Variants in FGF14 observed in about 807,000 individuals in gnomAD.
FGF14 encodes the protein fibroblast growth factor homologous factor 4.
Under a neutral mutation model 25.5 loss-of-function variants are expected in FGF14, and 5 were observed. The ratio of observed to expected loss-of-function variants is 0.20; its 90% confidence interval spans 0.10 to 0.41. The LOEUF is 0.41. Among genes scored for constraint, FGF14 ranks in the 10% least tolerant of loss-of-function variants. The probability of loss-of-function intolerance (pLI) is 1.00; values close to 1 mark genes in which losing one functional copy is unlikely to be tolerated. For synonymous variants in FGF14, 138 were observed against 118.3 expected (o/e 1.17, Z -1.08); for missense variants, 222 against 320.1 (o/e 0.69, Z 2.34).
At chr13:102,113,507 A>G (rs1462630481) in intron 1 of FGF14, among the ~76,000 whole-genome samples, 1 of 152,236 alleles carries the variant, frequency 6.6e-6, no homozygotes, top group Non-Finnish European at 1.5e-5. Flanking sequence ...TATCTTAATT[A>G]TAACATAATT....
chr13:102,389,950 C>T (rs181118057), intron 1 of FGF14, among the ~76,000 whole-genome samples: 13 of 152,276 alleles, frequency 8.5e-5, no homozygotes, highest in Admixed American at 6.5e-4. Flanking sequence ...AACTGTGAGA[C>T]CCTTGGTAGT....
chr13:101,945,176 G>A (rs551659554), intron 1 of FGF14, among the ~76,000 whole-genome samples: 93 of 152,124 alleles, frequency 6.1e-4, no homozygotes, highest in African/African-American at 2.1e-3. Flanking sequence ...AAATTATCTG[G>A]GTGTGGTGGC....
At chr13:102,250,191 C>G (rs761074043) in intron 1 of FGF14, among the ~76,000 whole-genome samples, 7 of 152,094 alleles carry the variant, frequency 4.6e-5, no homozygotes, top group Non-Finnish European at 8.8e-5. Flanking sequence ...TTCTGCCTAG[C>G]CTCTTACCTA....
chr13:101,958,634 A>G (rs1247907425), intron 1 of FGF14, among the ~76,000 whole-genome samples: 1 of 152,206 alleles, frequency 6.6e-6, no homozygotes, highest in Non-Finnish European at 1.5e-5. Context: ...ATAGAATACT[A>G]CTATAAGTCT....
intron 1 of FGF14, among the ~76,000 whole-genome samples, chr13:101,941,247 C>G (rs2035430160): frequency 6.6e-6 from 1 of 152,168 alleles, no homozygotes; most frequent in African/African-American, 2.4e-5. Flanking sequence ...ATATGCACAG[C>G]CTTCATGTGT....
At chr13:101,724,555 A>T (rs2035239916) in intron 4 of FGF14, among the ~76,000 whole-genome samples, 1 of 148,138 alleles carries the variant, frequency 6.8e-6, no homozygotes, top group Non-Finnish European at 1.5e-5. Context: ...ACAAACCTGC[A>T]CGTTGTGCAC....
chr13:101,790,413 T>TC (rs1378161996), intron 3 of FGF14, among the ~76,000 whole-genome samples: 3 of 50,906 alleles, frequency 5.9e-5, no homozygotes, highest in African/African-American at 1.2e-4. Flanking sequence ...CATTTTCTTT[T>TC]TTTTTTTTTT....
chr13:102,056,671 A>C (rs1284133566), intron 1 of FGF14, among the ~76,000 whole-genome samples: 1 of 151,930 alleles, frequency 6.6e-6, no homozygotes, highest in Admixed American at 6.6e-5. Flanking sequence ...TTTGTCTTAA[A>C]TTTAAATATG....
At chr13:102,283,875 C>T (rs1332023411) in intron 1 of FGF14, among the ~76,000 whole-genome samples, 3 of 152,084 alleles carry the variant, frequency 2.0e-5, no homozygotes, top group Non-Finnish European at 4.4e-5. Flanking sequence ...GTCTCATTTC[C>T]TCTGTAAAAT....
intron 1 of FGF14, among the ~76,000 whole-genome samples, chr13:102,239,394 G>T (rs1261038856): frequency 3.3e-5 from 5 of 152,134 alleles, no homozygotes; most frequent in Admixed American, 6.5e-5. Flanking sequence ...CATTAATCTT[G>T]TAAGAAATGC....
rs140365135 is a variant in FGF14 at position 101,907,978 on chromosome 13, T to C, written c.193+8475A>G. 1.7e-3 allele frequency among the ~76,000 whole-genome samples: 265 copies of C among 152,284 alleles called. 2 individuals are homozygous for C. Among genetic ancestry groups the C allele is most frequent in the African/African-American group, 6.2e-3 (256 of 41,570 alleles). On this transcript the variant is annotated intron_variant, in intron 1 of 4. Coordinates refer to ENST00000376143, the MANE Select transcript of FGF14 (RefSeq NM_004115.4). Reference sequence around the variant, plus strand: ...ATGGATAGATCTGCAGATAGACTTATAAAAGCAGTTGTGGAGTATGTGAAC... The same window carrying C: ...ATGGATAGATCTGCAGATAGACTTACAAAAGCAGTTGTGGAGTATGTGAAC...
chr13:102,361,211 GTCA>G (rs770682036), intron 1 of FGF14, among the ~76,000 whole-genome samples: 1 of 152,216 alleles, frequency 6.6e-6, no homozygotes, highest in South Asian at 2.1e-4. Context: ...AAAAGCAAAT[GTCA>G]TCATCAACAG....
intron 1 of FGF14, among the ~76,000 whole-genome samples, chr13:102,103,549 G>A (rs531654531): frequency 9.2e-5 from 14 of 151,356 alleles, no homozygotes; most frequent in East Asian, 1.9e-4. Flanking sequence ...TATTTTCCTC[G>A]TATTAACAAG....
At chr13:102,174,701 T>C (rs77567377) in intron 1 of FGF14, among the ~76,000 whole-genome samples, 151 of 152,200 alleles carry the variant, frequency 9.9e-4, no homozygotes, top group African/African-American at 3.5e-3. Context: ...ATGTTCTTAC[T>C]TACAAGTGGG....
chr13:102,077,137 A>T (rs2140177043), intron 1 of FGF14, among the ~76,000 whole-genome samples: 1 of 152,298 alleles, frequency 6.6e-6, no homozygotes, highest in Non-Finnish European at 1.5e-5. Flanking sequence ...CTCAAAATGG[A>T]AGACTTAACC....
At chr13:102,192,015 C>G (rs1403355799) in intron 1 of FGF14, among the ~76,000 whole-genome samples, 2 of 152,194 alleles carry the variant, frequency 1.3e-5, no homozygotes, top group Admixed American at 1.3e-4. Context: ...GCCATTTATT[C>G]TAGACCTACA....
chr13:101,838,457 T>C (rs999512575), intron 3 of FGF14, among the ~76,000 whole-genome samples: 3 of 152,018 alleles, frequency 2.0e-5, no homozygotes, highest in Admixed American at 2.0e-4. Flanking sequence ...AGCCAAAATA[T>C]GCATGGGAGT....
chr13:102,318,789 T>C (rs773524008), intron 1 of FGF14, among the ~76,000 whole-genome samples: 3 of 152,116 alleles, frequency 2.0e-5, no homozygotes, highest in Non-Finnish European at 4.4e-5. Flanking sequence ...CACATAAATT[T>C]GAGGGGGGCA....
At chr13:102,319,715 ACT>A (rs1264494360) in intron 1 of FGF14, among the ~76,000 whole-genome samples, 2 of 152,140 alleles carry the variant, frequency 1.3e-5, no homozygotes, top group African/African-American at 4.8e-5. Flanking sequence ...TCTTCTATTA[ACT>A]CTAAAACAAT....
Sources: allele counts gnomAD v4.1 joint callset (sites outside exome capture counted in the v4.1 genomes callset), GRCh38; gene constraint gnomAD v4.1.1; transcripts MANE v1.5; gene names NCBI Gene and HGNC (gene_info 2026-07-23, HGNC 2026-07-21).